The following UNC93B1 variants were observed in gnomAD, a reference collection of about 807,000 sequenced individuals.
UNC93B1 encodes protein unc-93 homolog B1.
In UNC93B1, 33 loss-of-function variants were observed where a neutral mutation model predicts 56.8. The ratio of observed to expected loss-of-function variants is 0.58; its 90% confidence interval spans 0.44 to 0.78. The LOEUF (loss-of-function observed/expected upper bound fraction) is 0.78. Among genes scored for constraint, UNC93B1 ranks in the 30% least tolerant of loss-of-function variants. The pLI, the probability that UNC93B1 is intolerant of heterozygous loss-of-function variation, is 0.00. For synonymous variants in UNC93B1, 334 were observed against 358.6 expected (o/e 0.93, Z 0.77); for missense variants, 673 against 819.5 (o/e 0.82, Z 2.18).
intron 9 of UNC93B1, 82 bp from the exon 10 acceptor site, chr11:67,993,876 A>G: frequency 1.0e-6 from 1 of 970,256 alleles, no homozygotes; most frequent in South Asian, 1.4e-5. Context: ...TACGAACTTT[A>G]CTAAGCCCTG....
At chr11:67,994,754 G>A (rs1319512272) in intron 9 of UNC93B1, among the ~76,000 whole-genome samples, 3 of 152,228 alleles carry the variant, frequency 2.0e-5, no homozygotes, top group African/African-American at 4.8e-5. Flanking sequence ...CACAGAGCCA[G>A]CCTCCGCCCT....
intron 3 of UNC93B1, 76 bp from the exon 4 acceptor site, chr11:67,999,756 C>T (rs919763260): frequency 1.3e-6 from 2 of 1,537,412 alleles, no homozygotes; most frequent in Non-Finnish European, 1.8e-6. Flanking sequence ...GGGGCCACAA[C>T]CGCAGGTCCC....
intron 6 of UNC93B1, 78 bp from the exon 7 acceptor site, chr11:67,997,877 G>T: frequency 6.4e-7 from 1 of 1,556,638 alleles, no homozygotes; most frequent in Non-Finnish European, 8.6e-7. Flanking sequence ...GTGGAGCCAC[G>T]CAGGCCGCGG....
intron 10 of UNC93B1, 96 bp from the exon 11 acceptor site, chr11:67,991,953 C>T (rs1856852559): frequency 2.2e-6 from 3 of 1,345,018 alleles, no homozygotes; most frequent in Admixed American, 2.7e-5. Flanking sequence ...TTCCCTCCTC[C>T]GGGAGCCTCC....
At position 67,997,754 on chromosome 11, in the gene UNC93B1, A is replaced by G. The variant is rs1381526135; in HGVS notation, c.827T>C (p.Leu276Pro). The G allele has an allele frequency of 6.2e-7, 1 of 1,610,466 alleles. No individual in the cohort carries two copies. Among genetic ancestry groups the G allele is most frequent in the Non-Finnish European group, 8.5e-7 (1 of 1,179,836 alleles). The change falls in exon 7 of 11, where the codon CTG (leucine) becomes CCG (proline). Residue 276 changes from leucine to proline, a missense_variant. By Grantham distance (98) the Leu-to-Pro change is moderately conservative. Around this residue, in one of 3 missense-constraint regions of UNC93B1, gnomAD observed 438 missense variants for 465.9 expected, o/e 0.94. Coordinates refer to ENST00000227471, the MANE Select transcript of UNC93B1 (RefSeq NM_030930.4). ...GTTTCCGCTCCGCGGGAGCGTCCGC[A>G]GAACCGTCTTGTTGAAGCCGCTGAG... ...GILSGFNKTV[L>P]RTLPRSGNLI...
intron 6 of UNC93B1, among the ~76,000 whole-genome samples, 186 bp downstream of exon 6, chr11:67,998,173 G>A (rs1036103612): frequency 2.3e-4 from 35 of 152,140 alleles, no homozygotes; most frequent in South Asian, 1.0e-3. Flanking sequence ...AGTCTTCCCC[G>A]CCCACCCACT....
intron 3 of UNC93B1, among the ~76,000 whole-genome samples, chr11:67,999,891 A>C (rs1281273271): frequency 1.3e-5 from 2 of 152,254 alleles, no homozygotes; most frequent in Non-Finnish European, 2.9e-5. Flanking sequence ...TAATATGGGC[A>C]CGGAGCCCAA....
In UNC93B1 at chr11:67,991,543, C is replaced by A. The variant is rs1293413496; in HGVS notation, c.*3G>T. 1.4e-6 allele frequency: 2 copies of A among 1,429,410 alleles called. No individual in the cohort carries two copies. Among genetic ancestry groups the A allele is most frequent in the East Asian group, 5.7e-5 (2 of 35,004 alleles). 88.5% of individuals were successfully genotyped at this position (1,429,410 alleles called of 1,614,324 possible). A position where few individuals can be genotyped will look rare whatever the true frequency, so the allele number is the denominator to read the frequency against. On this transcript the variant is annotated 3_prime_UTR_variant, in exon 11 of 11. Transcript: ENST00000227471. ...AGGCTGAGTCCGGGGACCAGGCGGC[C>A]CCTCACTGCTCCTCCGGCCCGTCTC...
intron 3 of UNC93B1, among the ~76,000 whole-genome samples, chr11:68,002,460 A>G: frequency 6.6e-6 from 1 of 152,072 alleles, no homozygotes; most frequent in East Asian, 1.9e-4. Flanking sequence ...AGGGAGCTCA[A>G]ATTCACCTAA....
intron 3 of UNC93B1, among the ~76,000 whole-genome samples, chr11:68,000,583 T>G (rs1396325148): frequency 6.6e-6 from 1 of 152,070 alleles, no homozygotes; most frequent in Admixed American, 6.5e-5. Flanking sequence ...GAGAATCGCT[T>G]GAACCCAGGA....
chr11:67,993,581 G>T, intron 10 of UNC93B1, 95 bp downstream of exon 10: 2 of 843,808 alleles, frequency 2.4e-6, no homozygotes, highest in Non-Finnish European at 3.9e-6. Flanking sequence ...GACTGGCTTG[G>T]GAAGGGGTGG....
rs936966383 is a variant in UNC93B1, at chr11:67,993,058, C to T, written c.1482+618G>A. On this transcript the variant is annotated intron_variant, in intron 10 of 10. Coordinates refer to ENST00000227471, the MANE Select transcript of UNC93B1 (RefSeq NM_030930.4). ...TGGATGGAGTGCCAACGCCCCGTCT[C>T]GGCTAACTGCAACCTCCGCCTCCCA... 1.0e-3 allele frequency among the ~76,000 whole-genome samples: 158 copies of T among 152,204 alleles called. 1 individual carries two copies. Among genetic ancestry groups the T allele is most frequent in the African/African-American group, 3.7e-3 (154 of 41,516 alleles).
In UNC93B1 at chr11:67,991,846, C is replaced by T. The variant is rs749484256; in HGVS notation, c.1494G>A (p.Ala498=). Residue 498 remains alanine (A), a synonymous_variant, in exon 11 of 11, where the codon GCG becomes GCA. Coordinates refer to ENST00000227471, the MANE Select transcript of UNC93B1 (RefSeq NM_030930.4). ...GSSLHMKAKL[A]VLLVTLVAAA... is the part of the protein sequence containing the mutation. ...CCGCCACCAGCGTCACCAGCAGCAC[C>T]GCCAGCTTAGCCTGGGCGTAAGGAG... The T allele has an allele frequency of 3.2e-6, 5 of 1,567,290 alleles. No individual in the cohort carries two copies. The highest frequency in any genetic ancestry group is 3.4e-6 in the Non-Finnish European group (4 of 1,166,284).
At chr11:67,992,652 CTTTTTTT>C (rs551140497) in intron 10 of UNC93B1, among the ~76,000 whole-genome samples, 2 of 134,386 alleles carry the variant, frequency 1.5e-5, no homozygotes, top group African/African-American at 5.6e-5. Flanking sequence ...CACTGCTTTT[CTTTTTTT>C]TTTTTCCTTT....
chr11:67,991,300 G>C lies in UNC93B1; in HGVS notation c.*246C>G, dbSNP rs10896285. ...CTGGGGCGCGTGCTAAGGGCCCGCG[G>C]GGTTTCAGCTGTATTTTCGAACCCC... is the stretch of plus-strand genomic sequence containing the variant. On this transcript the variant is annotated 3_prime_UTR_variant, in exon 11 of 11. Transcript: ENST00000227471. 3 of 405,792 alleles carry C rather than the reference G, an allele frequency of 7.4e-6. No individual in the cohort carries two copies. The highest frequency in any genetic ancestry group is 6.3e-5 in the African/African-American group (3 of 47,898). The allele number at this position is 405,792 out of a possible 1,614,324, so 25.1% of individuals were successfully genotyped here. A position where few individuals can be genotyped will look rare whatever the true frequency, so the allele number is the denominator to read the frequency against.
At chr11:67,996,031 A>G in intron 8 of UNC93B1, 147 bp from the exon 9 acceptor site, 3 of 565,650 alleles carry the variant, frequency 5.3e-6, no homozygotes, top group Non-Finnish European at 8.4e-6. Context: ...TACTCCCCGC[A>G]TCGTGGGGGG....
In UNC93B1 at chr11:67,991,600, G is replaced by A; in HGVS notation, c.1740C>T (p.Arg580=). ...RPGPEPAGLG[R]RPCPYEQAQG... is the part of the protein sequence containing the mutation. ...GCGCCTGTTCGTACGGGCAGGGCCGGCGGCCGAGTCCAGCGGGCTCGGGGC... is the reference window on the plus strand; with the variant it reads ...GCGCCTGTTCGTACGGGCAGGGCCGACGGCCGAGTCCAGCGGGCTCGGGGC... The change falls in exon 11 of 11, where the codon CGC becomes CGT. Residue 580 remains arginine (R), a synonymous_variant. Transcript: ENST00000227471. 1 of 1,497,458 alleles carries A rather than the reference G, an allele frequency of 6.7e-7. No homozygotes were observed. The highest frequency in any genetic ancestry group is 8.8e-7 in the Non-Finnish European group (1 of 1,131,454). The allele number at this position is 1,497,458 out of a possible 1,614,324, so 92.8% of individuals were successfully genotyped here. A position where few individuals can be genotyped will look rare whatever the true frequency, so the allele number is the denominator to read the frequency against.
chr11:67,997,637 T>C, intron 7 of UNC93B1, 38 bp downstream of exon 7: 1 of 1,597,960 alleles, frequency 6.3e-7, no homozygotes, highest in African/African-American at 1.3e-5. Context: ...AACCACACTC[T>C]GCTTCACTGA....
chr11:67,991,841 A>AG lies in UNC93B1; in HGVS notation c.1498dup (p.Leu500ProfsTer218), dbSNP rs1472931405. 1 of 1,568,144 alleles carries AG rather than the reference A, an allele frequency of 6.4e-7. No individual in the cohort carries two copies. Among genetic ancestry groups the AG allele is most frequent in the African/African-American group, 1.4e-5 (1 of 73,710 alleles). ...CGCGGCCGCCACCAGCGTCACCAGCAGCACCGCCAGCTTAGCCTGGGCGTA... is the reference window on the plus strand; with the variant it reads ...CGCGGCCGCCACCAGCGTCACCAGCAGGCACCGCCAGCTTAGCCTGGGCGTA... On this transcript the variant is annotated frameshift_variant, in exon 11 of 11. Transcript: ENST00000227471. LOFTEE classifies it high-confidence loss of function.
Sources: gnomAD v4.1 joint callset for allele counts (sites outside exome capture counted in the v4.1 genomes callset) on GRCh38, gnomAD v4.1.1 for gene constraint, gnomAD v4.1.1 regional missense constraint, MANE v1.5 for transcripts, NCBI Gene and HGNC (gene_info 2026-07-23, HGNC 2026-07-21) for gene names.